Variants in DCN observed in about 807,000 individuals in gnomAD.
DCN encodes the protein decorin.
Under a neutral mutation model 36.5 loss-of-function variants are expected in DCN, and 17 were observed. The ratio of observed to expected loss-of-function variants is 0.47; its 90% CI spans 0.32 to 0.70. The LOEUF is 0.70. Among genes scored for constraint, DCN ranks in the 30% least tolerant of loss-of-function variants. DCN has a pLI of 0.04. For missense variants in DCN, 389 were observed against 430.1 expected, an observed-to-expected ratio of 0.90 and a Z score of 0.84; for synonymous variants, 163 against 161.4, an observed-to-expected ratio of 1.01 and a Z score of -0.07.
At chr12:91,171,758 G>A (rs890322278) in intron 2 of DCN, among the ~76,000 whole-genome samples, 3 of 152,120 alleles carry the variant, frequency 2.0e-5, no homozygotes, top group Non-Finnish European at 4.4e-5. Context: ...TATAAATCCC[G>A]GGTAACATTT....
chr12:91,167,233 C>G (rs189048377), intron 2 of DCN, among the ~76,000 whole-genome samples: 2 of 152,130 alleles, frequency 1.3e-5, no homozygotes, highest in East Asian at 3.9e-4. Flanking sequence ...TGTTAACTAG[C>G]TTGCTCAAAG....
At position 91,143,687 on chromosome 12, in the gene DCN, G is replaced by GAGTC. The variant is rs1880844572; in HGVS notation, c.*2367_*2370dup. The GAGTC allele has an allele frequency of 6.6e-6, 1 of 151,780 alleles. No individual in the cohort carries two copies. The highest frequency in any genetic ancestry group is 2.1e-4 in the South Asian group (1 of 4,822). 9.4% of individuals were successfully genotyped at this position (151,780 alleles called of 1,614,324 possible). A position where few individuals can be genotyped will look rare whatever the true frequency, so the allele number is the denominator to read the frequency against. On this transcript the variant is annotated 3_prime_UTR_variant, in exon 8 of 8. Transcript: ENST00000052754. ...ATTCCCATTTTATGGACAAGGAAAT[G>GAGTC]AGTCACAGAAAGGTTAACTAGCTTC...
At chr12:91,160,547 C>A (rs1024310172) in intron 3 of DCN, among the ~76,000 whole-genome samples, 1 of 151,938 alleles carries the variant, frequency 6.6e-6, no homozygotes, top group African/African-American at 2.4e-5. Context: ...GAATCTCAAG[C>A]TCTGGGTCTT....
chr12:91,165,014 T>C (rs539596082), intron 2 of DCN, among the ~76,000 whole-genome samples: 1 of 152,208 alleles, frequency 6.6e-6, no homozygotes, highest in African/African-American at 2.4e-5. Flanking sequence ...CTCAAATCTA[T>C]ATGTTTTACC....
chr12:91,146,011 A>G lies in DCN; in HGVS notation c.*47T>C. ...CTTTTATTTATTTTTTAGCAATGAC[A>G]TTAACAAGATTTTGCCAGGTTATAA... On this transcript the variant is annotated 3_prime_UTR_variant, in exon 8 of 8. Transcript: ENST00000052754. The G allele has an allele frequency of 7.0e-7, 1 of 1,434,864 alleles. No individual in the cohort carries two copies. Among genetic ancestry groups the G allele is most frequent in the Non-Finnish European group, 9.8e-7 (1 of 1,016,628 alleles). 88.9% of individuals were successfully genotyped at this position (1,434,864 alleles called of 1,614,324 possible).
intron 3 of DCN, among the ~76,000 whole-genome samples, chr12:91,159,462 A>T (rs1252822357): frequency 1.3e-5 from 2 of 151,724 alleles, no homozygotes; most frequent in African/African-American, 4.8e-5. Flanking sequence ...TTTTGGAGAG[A>T]GGAGATTGCT....
intron 2 of DCN, among the ~76,000 whole-genome samples, chr12:91,174,844 A>T (rs1480573140): frequency 6.6e-6 from 1 of 152,142 alleles, no homozygotes; most frequent in African/African-American, 2.4e-5. Context: ...GTCAAAAGAC[A>T]ATACTTGTTC....
chr12:91,158,576 A>G (rs1396884542), intron 3 of DCN, 67 bp from the exon 4 acceptor site: 3 of 864,410 alleles, frequency 3.5e-6, no homozygotes, highest in African/African-American at 3.3e-5. Context: ...AAACAAGGGC[A>G]TGTTTGTTCA....
At chr12:91,148,640 C>G (rs943744702) in intron 7 of DCN, among the ~76,000 whole-genome samples, 1 of 140,968 alleles carries the variant, frequency 7.1e-6, no homozygotes, top group Middle Eastern at 3.7e-3. Context: ...TTCTTGAACC[C>G]GAGAGGCGGA....
At position 91,145,897 on chromosome 12, in the gene DCN, G is replaced by GAA; in HGVS notation, c.*160_*161insTT. On this transcript the variant is annotated 3_prime_UTR_variant, in exon 8 of 8. Transcript: ENST00000052754. ...GCAGGCAAAATTTCTTTTTATTGTA[G>GAA]GCAATTACTTAAACTGGAAATTTGG... 1.6e-6 allele frequency: 1 copy of GAA among 629,974 alleles called. No individual in the cohort carries two copies. The highest frequency in any genetic ancestry group is 2.0e-5 in the South Asian group (1 of 49,992). 39.0% of individuals were successfully genotyped at this position (629,974 alleles called of 1,614,324 possible). A position where few individuals can be genotyped will look rare whatever the true frequency, so the allele number is the denominator to read the frequency against.
At chr12:91,158,837 C>T (rs941608607) in intron 3 of DCN, among the ~76,000 whole-genome samples, 4 of 151,900 alleles carry the variant, frequency 2.6e-5, no homozygotes, top group South Asian at 2.1e-4. Context: ...TGGTGGGTGC[C>T]GGTAGTCCCG....
At chr12:91,177,799 CAG>C in intron 2 of DCN, 1 of 671,908 alleles carries the variant, frequency 1.5e-6, no homozygotes, top group East Asian at 2.8e-5. Flanking sequence ...AACTAAGACT[CAG>C]AGATTAAGGG....
chr12:91,158,557 A>C (rs372172875), intron 3 of DCN, 48 bp from the exon 4 acceptor site: 24 of 966,530 alleles, frequency 2.5e-5, no homozygotes, highest in Non-Finnish European at 3.9e-5. Flanking sequence ...AACCTTCCAC[A>C]TACATGTAAA....
rs1157433810 is a variant in DCN at position 91,182,754 on chromosome 12, GA to G, written c.-134del. The G allele has an allele frequency of 1.3e-5, 2 of 151,996 alleles. No individual in the cohort carries two copies. Among genetic ancestry groups the G allele is most frequent in the African/African-American group, 4.8e-5 (2 of 41,406 alleles). 9.4% of individuals were successfully genotyped at this position (151,996 alleles called of 1,614,324 possible). A position where few individuals can be genotyped will look rare whatever the true frequency, so the allele number is the denominator to read the frequency against. ...AAGAGTTTGCAGGTGTGGAAAGGAG[GA>G]GGGGGTAGGTGCTGCTCTGTGACTA... On this transcript the variant is annotated 5_prime_UTR_variant, in exon 1 of 8. Coordinates refer to ENST00000052754, the MANE Select transcript of DCN (RefSeq NM_001920.5).
chr12:91,168,850 C>A (rs191304937), intron 2 of DCN, among the ~76,000 whole-genome samples: 4 of 152,226 alleles, frequency 2.6e-5, no homozygotes, highest in African/African-American at 9.6e-5. Flanking sequence ...TGTGAAGCAC[C>A]TTTTGTCACA....
At chr12:91,172,831 G>A in intron 2 of DCN, 2 of 664,698 alleles carry the variant, frequency 3.0e-6, no homozygotes, top group South Asian at 1.7e-5. Context: ...TTGTTGTGTA[G>A]AGGTTGTACG....
chr12:91,154,235 A>G (rs1216422281), intron 5 of DCN, among the ~76,000 whole-genome samples: 1 of 152,102 alleles, frequency 6.6e-6, no homozygotes, highest in East Asian at 1.9e-4. Context: ...TTAGTTTCCT[A>G]TGGTAGCATA....
At chr12:91,168,774 A>G (rs1882745515) in intron 2 of DCN, among the ~76,000 whole-genome samples, 1 of 152,192 alleles carries the variant, frequency 6.6e-6, no homozygotes, top group African/African-American at 2.4e-5. Flanking sequence ...CTTACTATCA[A>G]ATATGTCATT....
At chr12:91,177,141 C>T (rs1883343521) in intron 2 of DCN, 2 of 161,740 alleles carry the variant, frequency 1.2e-5, no homozygotes, top group African/African-American at 4.8e-5. Context: ...CAAATAGATC[C>T]ATTGGAATTA....
Sources: allele counts gnomAD v4.1 joint callset (sites outside exome capture counted in the v4.1 genomes callset), GRCh38; gene constraint gnomAD v4.1.1; transcripts MANE v1.5; gene names NCBI Gene and HGNC (gene_info 2026-07-23, HGNC 2026-07-21).